EHHADH: variants seen among roughly 807,000 people sequenced by gnomAD.
The protein encoded by EHHADH is enoyl-CoA hydratase and 3-hydroxyacyl CoA dehydrogenase, also known as peroxisomal bifunctional enzyme.
A neutral mutation model predicts 64.4 loss-of-function variants in EHHADH; 48 were observed. The ratio of observed to expected loss-of-function variants is 0.75; its 90% CI spans 0.59 to 0.95. EHHADH has a LOEUF of 0.95. Ranked by LOEUF, EHHADH falls within the 40% of genes least tolerant of loss-of-function variation. EHHADH has a pLI of 0.00. For missense variants in EHHADH, 854 were observed against 876.6 expected (o/e 0.97, Z 0.33); for synonymous variants, 308 against 326.7 (o/e 0.94, Z 0.62).
At chr3:185,238,728 T>C (rs1196445923) in intron 2 of EHHADH, among the ~76,000 whole-genome samples, 1 of 152,216 alleles carries the variant, frequency 6.6e-6, no homozygotes, top group South Asian at 2.1e-4. Context: ...TTGCAAATAT[T>C]TTCTCCCATT....
chr3:185,237,268 GATT>G (rs1719319573), intron 2 of EHHADH, among the ~76,000 whole-genome samples: 1 of 152,058 alleles, frequency 6.6e-6, no homozygotes, highest in Non-Finnish European at 1.5e-5. Flanking sequence ...TTTTTTAATA[GATT>G]ATTTTGATTT....
chr3:185,223,440 C>A (rs1222997463), intron 4 of EHHADH, among the ~76,000 whole-genome samples: 1 of 150,318 alleles, frequency 6.7e-6, no homozygotes, highest in Non-Finnish European at 1.5e-5. Context: ...GTTTATGTTT[C>A]TTTTTTTTTA....
intron 5 of EHHADH, among the ~76,000 whole-genome samples, chr3:185,214,456 C>T (rs933547814): frequency 2.0e-5 from 3 of 152,154 alleles, no homozygotes; most frequent in East Asian, 1.9e-4. Context: ...TAACAGACTG[C>T]GTCCTTTCCA....
intron 6 of EHHADH, among the ~76,000 whole-genome samples, chr3:185,201,520 A>G (rs1718225335): frequency 1.3e-5 from 2 of 152,158 alleles, no homozygotes; most frequent in Admixed American, 6.5e-5. Flanking sequence ...TCCTCAGGGT[A>G]AGCCGGGTTT....
chr3:185,243,906 T>C (rs1719521600), intron 2 of EHHADH, among the ~76,000 whole-genome samples: 1 of 152,236 alleles, frequency 6.6e-6, no homozygotes. Context: ...GTTTCTTTGT[T>C]GATTTTCTGC....
rs1384656304 is a variant in EHHADH, at chr3:185,204,323, T to TA, written c.910+92dup. On this transcript the variant is annotated intron_variant, in intron 6 of 6. Coordinates refer to ENST00000231887, the MANE Select transcript of EHHADH (RefSeq NM_001966.4). ...CTTAGCTAACACAAGTAATGTGTCT[T>TA]ACGTGAAACCTAGCATCCGGTAGCC... The TA allele has an allele frequency of 4.3e-6, 5 of 1,149,764 alleles. No individual in the cohort carries two copies. The East Asian group carries it at 1.2e-4, about 28-fold the overall frequency. The allele number at this position is 1,149,764 out of a possible 1,614,324, so 71.2% of individuals were successfully genotyped here. A position where few individuals can be genotyped will look rare whatever the true frequency, so the allele number is the denominator to read the frequency against.
At chr3:185,235,521 A>G in intron 2 of EHHADH, 59 bp from the exon 3 acceptor site, 1 of 1,397,994 alleles carries the variant, frequency 7.2e-7, no homozygotes, top group Non-Finnish European at 9.7e-7. Context: ...ATTGTTATAT[A>G]ACAGTAAGTT....
In EHHADH at chr3:185,192,882, C is replaced by G. The variant is rs1219548263; in HGVS notation, c.1516G>C (p.Asp506His). 22 of 1,614,080 alleles carry G rather than the reference C, an allele frequency of 1.4e-5. No homozygotes were observed. The highest frequency in any genetic ancestry group is 1.9e-5 in the Non-Finnish European group (22 of 1,180,040). ...LEEGSKPEEVDQVLEEFGFKM... is the reference protein window; with the variant it reads ...LEEGSKPEEVHQVLEEFGFKM... ...AAACCAAACTCTTCCAGCACCTGAT[C>G]TACCTCCTCTGGTTTGCTGCCTTCT... Residue 506 changes from aspartate (D) to histidine (H), a missense_variant, in exon 7 of 7, where the codon GAT becomes CAT. Asp to His is a moderately conservative substitution (Grantham distance 81, BLOSUM62 -1). Transcript: ENST00000231887.
intron 1 of EHHADH, among the ~76,000 whole-genome samples, chr3:185,252,167 C>G (rs973280621): frequency 6.6e-6 from 1 of 151,996 alleles, no homozygotes; most frequent in Non-Finnish European, 1.5e-5. Flanking sequence ...TTTGGGAGGC[C>G]GAGGCAGGTG....
At chr3:185,246,854 C>A (rs1325224853) in intron 2 of EHHADH, among the ~76,000 whole-genome samples, 4 of 151,788 alleles carry the variant, frequency 2.6e-5, no homozygotes, top group Non-Finnish European at 5.9e-5. Context: ...AGCCATTTTT[C>A]TTTTCTAATA....
chr3:185,195,964 G>C (rs1718050041), intron 6 of EHHADH, among the ~76,000 whole-genome samples: 1 of 152,194 alleles, frequency 6.6e-6, no homozygotes, highest in African/African-American at 2.4e-5. Flanking sequence ...CCTGAGCTAA[G>C]GCTGGATCCA....
intron 2 of EHHADH, among the ~76,000 whole-genome samples, chr3:185,235,926 A>G (rs1389248727): frequency 6.6e-6 from 1 of 152,186 alleles, no homozygotes; most frequent in Non-Finnish European, 1.5e-5. Flanking sequence ...GAGTCATCAC[A>G]ATATAAAATA....
At chr3:185,223,529 A>G (rs1183493315) in intron 4 of EHHADH, among the ~76,000 whole-genome samples, 3 of 152,050 alleles carry the variant, frequency 2.0e-5, no homozygotes, top group Non-Finnish European at 4.4e-5. Context: ...TCTTTTGGTC[A>G]TAGAACAATA....
At chr3:185,224,501 C>CAAAAA (rs757023353) in intron 4 of EHHADH, among the ~76,000 whole-genome samples, 22 of 51,438 alleles carry the variant, frequency 4.3e-4, no homozygotes, top group Admixed American at 7.4e-4. Context: ...ACCCTGTCAC[C>CAAAAA]AAAAAAAAAA....
At chr3:185,211,308 C>T (rs1468469612) in intron 5 of EHHADH, among the ~76,000 whole-genome samples, 2 of 152,262 alleles carry the variant, frequency 1.3e-5, no homozygotes, top group East Asian at 1.9e-4. Context: ...AGGAAGTAAT[C>T]AGTGATTCAA....
intron 4 of EHHADH, among the ~76,000 whole-genome samples, chr3:185,226,265 C>T (rs1395326746): frequency 6.6e-6 from 1 of 152,234 alleles, no homozygotes; most frequent in Non-Finnish European, 1.5e-5. Flanking sequence ...ACTCAGGAAG[C>T]TCTATGGAGA....
At chr3:185,242,049 G>A (rs1577375720) in intron 2 of EHHADH, among the ~76,000 whole-genome samples, 1 of 152,120 alleles carries the variant, frequency 6.6e-6, no homozygotes, top group African/African-American at 2.4e-5. Flanking sequence ...TCCAAGCAGA[G>A]AATCAAATCA....
chr3:185,222,943 A>G (rs1283519121), intron 4 of EHHADH, among the ~76,000 whole-genome samples: 1 of 152,128 alleles, frequency 6.6e-6, no homozygotes, highest in African/African-American at 2.4e-5. Context: ...GCAGGATTCT[A>G]TTTTCTGGAA....
At position 185,229,469 on chromosome 3, in the gene EHHADH, G is replaced by A; in HGVS notation, c.426C>T (p.Leu142=). ...AGTCAAGTGCAGCAGGAACTCCAGT[G>A]AGTCTGGGGAGAAGCTGGGTTCCTC... ...GARGTQLLPR[L]TGVPAALDLI... The change falls in exon 4 of 7, where the codon CTC becomes CTT. Residue 142 remains leucine (L), a synonymous_variant. Coordinates refer to ENST00000231887, the MANE Select transcript of EHHADH (RefSeq NM_001966.4). 6.4e-7 allele frequency: 1 copy of A among 1,570,944 alleles called. No homozygotes were observed.
Sources: gnomAD v4.1 joint callset for allele counts (sites outside exome capture counted in the v4.1 genomes callset) on GRCh38, gnomAD v4.1.1 for gene constraint, MANE v1.5 for transcripts, NCBI Gene and HGNC (gene_info 2026-07-23, HGNC 2026-07-21) for gene names.